The following XKR9 variants were observed in gnomAD, a reference collection of about 807,000 sequenced individuals.
XKR9 encodes the protein XK related 9.
A neutral mutation model predicts 32.0 loss-of-function variants in XKR9; 32 were observed. That is an observed-to-expected ratio of 1.00 (90% CI 0.76 to 1.34). XKR9 has a LOEUF of 1.34. XKR9 is among the 40% of genes most tolerant of loss of function. The pLI is 0.00. For missense variants in XKR9, 546 were observed against 429.7 expected (o/e 1.27, Z -2.39); for synonymous variants, 168 against 143.4 (o/e 1.17, Z -1.22).
intron 4 of XKR9, among the ~76,000 whole-genome samples, chr8:70,719,978 A>T (rs895494669): frequency 6.6e-6 from 1 of 152,024 alleles, no homozygotes; most frequent in Admixed American, 6.6e-5. Context: ...ATTTCCTTGA[A>T]CAGTGGTTTG....
At chr8:70,739,500 T>A (rs1361295121), downstream of XKR9, among the ~76,000 whole-genome samples, 9 of 152,192 alleles carry the variant, frequency 5.9e-5, no homozygotes, top group East Asian at 5.8e-4. Context: ...GCGAATTTGA[T>A]CCTGTCATTA....
the XKR9 span, among the ~76,000 whole-genome samples, chr8:70,994,029 C>T: frequency 6.6e-6 from 1 of 152,140 alleles, no homozygotes; most frequent in African/African-American, 2.4e-5. Context: ...GAGACTGGCC[C>T]TCACCAAATC....
the XKR9 span, among the ~76,000 whole-genome samples, chr8:70,852,294 A>G: frequency 1.3e-5 from 2 of 152,194 alleles, no homozygotes; most frequent in African/African-American, 4.8e-5. Flanking sequence ...CAGCTGCTGG[A>G]AAGGAAGTGG....
the XKR9 span, among the ~76,000 whole-genome samples, chr8:71,016,371 T>C: frequency 6.6e-6 from 1 of 152,082 alleles, no homozygotes; most frequent in South Asian, 2.1e-4. Context: ...TAGGAGGAGA[T>C]CAGACAGAAG....
the XKR9 span, among the ~76,000 whole-genome samples, chr8:70,826,447 A>G: frequency 8.0e-6 from 1 of 124,506 alleles, no homozygotes; most frequent in Non-Finnish European, 1.8e-5. Flanking sequence ...TGACTTTTTG[A>G]TGGAAGACAT....
intron 2 of XKR9, among the ~76,000 whole-genome samples, chr8:70,786,948 G>A (rs6993115): frequency 6.6e-6 from 1 of 151,818 alleles, no homozygotes; most frequent in South Asian, 2.1e-4. Flanking sequence ...AGTATTTTTG[G>A]TTTGTGGTTA....
At chr8:70,691,825 A>G (rs548559521) in intron 3 of XKR9, among the ~76,000 whole-genome samples, 49 of 152,228 alleles carry the variant, frequency 3.2e-4, no homozygotes, top group African/African-American at 1.1e-3. Flanking sequence ...GCCCTGTAGT[A>G]TAGTTTGGAG....
intron 2 of XKR9, among the ~76,000 whole-genome samples, chr8:70,679,324 C>T (rs1818992106): frequency 6.6e-6 from 1 of 152,120 alleles, no homozygotes; most frequent in Non-Finnish European, 1.5e-5. Flanking sequence ...ATTTACTGGG[C>T]CCTAACTGTG....
At chr8:70,708,200 G>A (rs1032482509) in intron 4 of XKR9, among the ~76,000 whole-genome samples, 4 of 151,954 alleles carry the variant, frequency 2.6e-5, no homozygotes, top group African/African-American at 9.7e-5. Context: ...CATGGATTGG[G>A]TTCTATATGA....
chr8:71,041,157 C>A, the XKR9 span, among the ~76,000 whole-genome samples: 1 of 152,100 alleles, frequency 6.6e-6, no homozygotes, highest in Non-Finnish European at 1.5e-5. Flanking sequence ...GATATCAAGA[C>A]AACCACTAGA....
the XKR9 span, among the ~76,000 whole-genome samples, chr8:70,848,764 CAAA>C: frequency 0.33 from 38,931 of 116,678 alleles, 6,218 homozygotes; most frequent in Middle Eastern, 0.44. Context: ...AATGGAATGC[CAAA>C]AAAAAAAAAA....
At chr8:70,885,723 A>C in the XKR9 span, among the ~76,000 whole-genome samples, 1 of 152,002 alleles carries the variant, frequency 6.6e-6, no homozygotes, top group African/African-American at 2.4e-5. Context: ...CAGCCTCCTA[A>C]GTAGCTGGGA....
At chr8:70,896,271 T>C in the XKR9 span, among the ~76,000 whole-genome samples, 1 of 152,184 alleles carries the variant, frequency 6.6e-6, no homozygotes, top group South Asian at 2.1e-4. Context: ...GAAGAGATAG[T>C]GTAGAATTAA....
the XKR9 span, among the ~76,000 whole-genome samples, chr8:70,825,748 G>A: frequency 3.9e-5 from 6 of 151,918 alleles, no homozygotes; most frequent in Non-Finnish European, 8.8e-5. Context: ...ATAAGCCATG[G>A]GGAAATCTAT....
chr8:70,769,934 C>T lies in XKR9; in HGVS notation n.353-19405C>T, dbSNP rs1341420792. Among the ~76,000 whole-genome samples, 3 of 152,174 alleles carry T rather than the reference C, an allele frequency of 2.0e-5. No individual in the cohort carries two copies. The South Asian group carries it at 6.2e-4, about 32-fold the overall frequency. On this transcript the variant is annotated intron_variant and non_coding_transcript_variant, in intron 2 of 3. Coordinates refer to the XKR9 transcript ENST00000520273. ...GGTATTACCCACCTTCTGAAGCCTA[C>T]TTCTGTCAATTCGTCAAACTCATTC... is the stretch of plus-strand genomic sequence containing the variant.
the XKR9 span, among the ~76,000 whole-genome samples, chr8:70,900,625 G>A: frequency 1.7e-4 from 25 of 142,958 alleles, no homozygotes; most frequent in African/African-American, 1.8e-4. Flanking sequence ...TAAATAAATA[G>A]GAACTCCAAT....
chr8:70,911,633 G>A, the XKR9 span, among the ~76,000 whole-genome samples: 1 of 152,150 alleles, frequency 6.6e-6, no homozygotes, highest in East Asian at 1.9e-4. Context: ...TGTTCTGATG[G>A]AGCATACAGC....
At chr8:70,778,839 A>G (rs1207582062) in intron 2 of XKR9, among the ~76,000 whole-genome samples, 2 of 152,170 alleles carry the variant, frequency 1.3e-5, no homozygotes, top group African/African-American at 4.8e-5. Context: ...CAGCTTAAGG[A>G]GATTTTGGGC....
At chr8:70,777,767 T>G (rs1807552884) in intron 2 of XKR9, among the ~76,000 whole-genome samples, 1 of 152,228 alleles carries the variant, frequency 6.6e-6, no homozygotes, top group Admixed American at 6.5e-5. Context: ...TTTTGAGAAG[T>G]GTCTGTTCAT....
Sources: allele counts gnomAD v4.1 joint callset (sites outside exome capture counted in the v4.1 genomes callset), GRCh38; gene constraint gnomAD v4.1.1; transcripts MANE v1.5; gene names NCBI Gene and HGNC (gene_info 2026-07-23, HGNC 2026-07-21).